The following CYRIB variants were observed in gnomAD, a reference collection of about 807,000 sequenced individuals.
The protein encoded by CYRIB is CYFIP-related Rac1 interactor B.
CYRIB carries 8 observed loss-of-function variants against 44.2 expected under a neutral mutation model. The observed-to-expected ratio is 0.18, with a 90% CI of 0.11 to 0.33. The LOEUF (loss-of-function observed/expected upper bound fraction) is 0.33, where lower values mean the gene tolerates loss of function less well. Among genes scored for constraint, CYRIB ranks in the 10% least tolerant of loss-of-function variants. The pLI, the probability that CYRIB is intolerant of heterozygous loss-of-function variation, is 1.00. For synonymous variants in CYRIB, 131 were observed against 127.2 expected, an observed-to-expected ratio of 1.03 and a Z score of -0.20; for missense variants, 185 against 382.8, an observed-to-expected ratio of 0.48 and a Z score of 4.31.
At chr8:129,980,407 C>T (rs1191905526) in intron 1 of CYRIB, among the ~76,000 whole-genome samples, 2 of 152,090 alleles carry the variant, frequency 1.3e-5, no homozygotes, top group African/African-American at 4.8e-5. Context: ...ATGCTTTAGG[C>T]CAATCATCTG....
chr8:129,852,215 C>G (rs1346238899), exon 8 of CYRIB: 1 of 1,569,984 alleles, frequency 6.4e-7, no homozygotes, highest in Non-Finnish European at 8.6e-7. Flanking sequence ...ATTGGAGTTG[C>G]CTCAGCATAA....
At chr8:129,976,468 A>G (rs1404349627) in intron 1 of CYRIB, among the ~76,000 whole-genome samples, 2 of 152,252 alleles carry the variant, frequency 1.3e-5, no homozygotes, top group African/African-American at 2.4e-5. Flanking sequence ...AAAAATTATT[A>G]CGGCAATGTT....
At chr8:129,998,899 TCTTCTC>T (rs1413476964) in intron 1 of CYRIB, among the ~76,000 whole-genome samples, 1 of 152,204 alleles carries the variant, frequency 6.6e-6, no homozygotes, top group African/African-American at 2.4e-5. Context: ...CTGACTTTTT[TCTTCTC>T]CTTCTTCTTT....
chr8:129,981,800 G>A (rs1423824096), intron 1 of CYRIB, among the ~76,000 whole-genome samples: 2 of 152,174 alleles, frequency 1.3e-5, no homozygotes, highest in Non-Finnish European at 2.9e-5. Context: ...CCCTTCACCT[G>A]GAGAACTGCT....
At chr8:129,843,306 G>A (rs2037633473) in intron 11 of CYRIB, among the ~76,000 whole-genome samples, 1 of 152,240 alleles carries the variant, frequency 6.6e-6, no homozygotes, top group Admixed American at 6.5e-5. Flanking sequence ...AGCATATTAA[G>A]CAGGAGAGGG....
At chr8:129,876,312 G>A (rs755357930) in intron 3 of CYRIB, among the ~76,000 whole-genome samples, 5 of 152,150 alleles carry the variant, frequency 3.3e-5, no homozygotes, top group Admixed American at 3.3e-4. Context: ...CAAAGCTGCA[G>A]TGAGCTGAGA....
chr8:130,012,834 G>T (rs146469652), intron 1 of CYRIB, among the ~76,000 whole-genome samples: 39 of 152,250 alleles, frequency 2.6e-4, no homozygotes, highest in African/African-American at 9.4e-4. Context: ...CTTTCAGCCT[G>T]GTGAGGCCAA....
chr8:129,949,437 G>C (rs929056324), intron 2 of CYRIB: 1 of 152,212 alleles, frequency 6.6e-6, no homozygotes, highest in Non-Finnish European at 1.5e-5. Context: ...ACATACCTAC[G>C]AGGAGGTGAA....
intron 1 of CYRIB, among the ~76,000 whole-genome samples, chr8:129,975,413 G>GTTCTGTA (rs1330807473): frequency 2.0e-5 from 3 of 152,158 alleles, no homozygotes; most frequent in African/African-American, 7.2e-5. Context: ...TTTATCCACA[G>GTTCTGTA]TTCTGTACTC....
At chr8:129,890,334 A>G (rs921977669) in intron 2 of CYRIB, 4 of 152,246 alleles carry the variant, frequency 2.6e-5, no homozygotes, top group Admixed American at 2.6e-4. Context: ...ACCTTCAGCA[A>G]CTACTACCTT....
At chr8:129,979,767 A>G (rs1374849149) in intron 1 of CYRIB, among the ~76,000 whole-genome samples, 1 of 152,074 alleles carries the variant, frequency 6.6e-6, no homozygotes, top group African/African-American at 2.4e-5. Flanking sequence ...AATACAAAAA[A>G]AAAATTGGCC....
chr8:129,904,771 C>A (rs1589268325), intron 1 of CYRIB, among the ~76,000 whole-genome samples, 186 bp from the exon 3 acceptor site: 1 of 152,210 alleles, frequency 6.6e-6, no homozygotes, highest in Non-Finnish European at 1.5e-5. Context: ...CTTGTGCCTA[C>A]TATCTCCTAC....
In CYRIB at chr8:129,930,379, A is replaced by ATATATATATATATATTTTTT. The variant is rs971468534; in HGVS notation, c.-50+9228_-50+9229insAAAAAATATATATATATATA. ...TTGTGAAGTGCTTATATATATATAT[A>ATATATATATATATATTTTTT]TTTTAATTATTTAAATCCATAGGCT... On this transcript the variant is annotated intron_variant, in intron 1 of 11. Transcript: ENST00000519824. 1.4e-4 allele frequency among the ~76,000 whole-genome samples: 18 copies of ATATATATATATATATTTTTT among 130,108 alleles called. 2 individuals are homozygous for ATATATATATATATATTTTTT. Among genetic ancestry groups the ATATATATATATATATTTTTT allele is most frequent in the African/African-American group, 4.8e-4 (17 of 35,296 alleles). 85.4% of individuals were successfully genotyped at this position (130,108 alleles called of 152,430 possible).
chr8:129,930,625 T>G (rs1300601742), intron 1 of CYRIB, among the ~76,000 whole-genome samples: 2 of 151,854 alleles, frequency 1.3e-5, no homozygotes, highest in Non-Finnish European at 2.9e-5. Context: ...CATACCATAA[T>G]GGAACTTTGG....
At chr8:129,909,367 A>G (rs928822848) in intron 1 of CYRIB, among the ~76,000 whole-genome samples, 1 of 152,184 alleles carries the variant, frequency 6.6e-6, no homozygotes, top group African/African-American at 2.4e-5. Context: ...ACCACTACCT[A>G]TAATCCCACA....
At chr8:129,898,322 A>C (rs2069341015) in intron 2 of CYRIB, among the ~76,000 whole-genome samples, 1 of 152,196 alleles carries the variant, frequency 6.6e-6, no homozygotes, top group African/African-American at 2.4e-5. Flanking sequence ...AAGTGTTCCT[A>C]AAAGAAATTA....
rs2096553272 is a variant in CYRIB at position 129,988,918 on chromosome 8, AG to A, written c.-295-17924del. Among the ~76,000 whole-genome samples, 3 of 152,180 alleles carry A rather than the reference AG, an allele frequency of 2.0e-5. No homozygotes were observed. The South Asian group carries it at 6.2e-4, about 32-fold the overall frequency. ...GCGCTTATCATTGCAACGTTGGGAG[AG>A]TTCATTTCAAAATAGACCCTGGAGA... On this transcript the variant is annotated intron_variant, in intron 1 of 14. Coordinates refer to the CYRIB transcript ENST00000401979.
intron 6 of CYRIB, 69 bp downstream of exon 8, chr8:129,855,542 C>T (rs2045800327): frequency 6.7e-7 from 1 of 1,491,312 alleles, no homozygotes; most frequent in Non-Finnish European, 9.3e-7. Flanking sequence ...TGTTTCCCGG[C>T]TCTTCCTCCT....
At chr8:129,991,972 A>AAAAC (rs71302388) in intron 1 of CYRIB, among the ~76,000 whole-genome samples, 2 of 120,066 alleles carry the variant, frequency 1.7e-5, no homozygotes, top group Non-Finnish European at 3.8e-5. Context: ...AAAAAAAAAA[A>AAAAC]CAATAGGAAG....
Sources: gnomAD v4.1 joint callset for allele counts (sites outside exome capture counted in the v4.1 genomes callset) on GRCh38, gnomAD v4.1.1 for gene constraint, MANE v1.5 for transcripts, NCBI Gene and HGNC (gene_info 2026-07-23, HGNC 2026-07-21) for gene names.